Variants in MDGA2 observed in about 807,000 individuals in gnomAD.
MDGA2 encodes MAM domain containing glycosylphosphatidylinositol anchor 2, also known as MAM domain-containing glycosylphosphatidylinositol anchor protein 2.
MDGA2 carries 40 observed loss-of-function variants against 117.8 expected under a neutral mutation model. The ratio of observed to expected loss-of-function variants is 0.34; its 90% confidence interval spans 0.26 to 0.44. The LOEUF (loss-of-function observed/expected upper bound fraction) is 0.44, where lower values mean the gene tolerates loss of function less well. MDGA2 is among the 20% of genes least tolerant of loss of function. MDGA2 has a pLI of 1.00. For synonymous variants in MDGA2, 452 were observed against 439.0 expected (o/e 1.03, Z -0.37); for missense variants, 1,123 against 1,250.6 (o/e 0.90, Z 1.54).
intron 1 of MDGA2, among the ~76,000 whole-genome samples, chr14:47,664,729 C>T (rs1897910742): frequency 6.6e-6 from 1 of 152,194 alleles, no homozygotes; most frequent in South Asian, 2.1e-4. Context: ...GCTGTACATT[C>T]GTAAAGAACG....
chr14:46,975,638 A>C (rs1200283949), intron 8 of MDGA2, among the ~76,000 whole-genome samples: 1 of 152,050 alleles, frequency 6.6e-6, no homozygotes, highest in Non-Finnish European at 1.5e-5. Context: ...GTACTTAGAG[A>C]AGTTAAACTT....
At chr14:46,983,347 T>C (rs1383982497) in intron 8 of MDGA2, among the ~76,000 whole-genome samples, 2 of 152,128 alleles carry the variant, frequency 1.3e-5, no homozygotes, top group Non-Finnish European at 2.9e-5. Context: ...TGTGGTCATA[T>C]TATTTTTAAT....
chr14:47,227,131 G>A (rs1449249982), intron 2 of MDGA2, among the ~76,000 whole-genome samples: 3 of 152,072 alleles, frequency 2.0e-5, no homozygotes, highest in South Asian at 2.1e-4. Context: ...TAGGTGTTCT[G>A]TCTGATTCCC....
intron 1 of MDGA2, among the ~76,000 whole-genome samples, chr14:47,315,605 C>G (rs1234176719): frequency 6.6e-6 from 1 of 152,082 alleles, no homozygotes; most frequent in Non-Finnish European, 1.5e-5. Flanking sequence ...TTGCACTCTT[C>G]CAATCTCATT....
chr14:47,035,814 T>C (rs1216643367), intron 7 of MDGA2, among the ~76,000 whole-genome samples: 1 of 152,198 alleles, frequency 6.6e-6, no homozygotes, highest in Non-Finnish European at 1.5e-5. Flanking sequence ...ATCCATTCTA[T>C]TCTCCATTTT....
At chr14:46,924,755 ATTTC>A in intron 9 of MDGA2, among the ~76,000 whole-genome samples, 1 of 152,066 alleles carries the variant, frequency 6.6e-6, no homozygotes, top group Non-Finnish European at 1.5e-5. Context: ...ACAAGAACAA[ATTTC>A]TTTCTTTCAT....
At chr14:47,092,938 T>C (rs1347012899) in intron 6 of MDGA2, among the ~76,000 whole-genome samples, 3 of 152,066 alleles carry the variant, frequency 2.0e-5, no homozygotes, top group Non-Finnish European at 2.9e-5. Flanking sequence ...TTGATCTACA[T>C]AGATGTATAT....
At chr14:47,507,429 G>A (rs1054967689) in intron 1 of MDGA2, among the ~76,000 whole-genome samples, 1 of 152,138 alleles carries the variant, frequency 6.6e-6, no homozygotes, top group Admixed American at 6.6e-5. Context: ...AATAAATTGG[G>A]AAAATAAGCT....
rs1898159334 is a variant in MDGA2 at position 47,675,162 on chromosome 14, T to G, written c.-366A>C. Among the ~76,000 whole-genome samples the G allele has an allele frequency of 6.6e-6, 1 of 151,948 alleles. No homozygotes were observed. On this transcript the variant is annotated 5_prime_UTR_variant, in exon 1 of 17. Transcript: ENST00000399232. The stretch of plus-strand genomic sequence containing the variant: ...GCCTTTACAAAGTAACTCGCGAAGG[T>G]CCCCGGAGGGGCGTCAAGCGGCGAC...
intron 8 of MDGA2, among the ~76,000 whole-genome samples, chr14:47,034,581 G>T (rs181768940): frequency 2.0e-3 from 303 of 152,190 alleles, no homozygotes; most frequent in African/African-American, 6.9e-3. Flanking sequence ...TTTGGGAAAA[G>T]GACATGCAAT....
intron 8 of MDGA2, among the ~76,000 whole-genome samples, chr14:46,987,574 C>A (rs1348850869): frequency 1.3e-5 from 2 of 151,984 alleles, no homozygotes; most frequent in African/African-American, 4.8e-5. Flanking sequence ...AAGGAATTTA[C>A]CTTGGTGATA....
At chr14:47,422,594 G>T (rs1430400949) in intron 1 of MDGA2, among the ~76,000 whole-genome samples, 1 of 152,152 alleles carries the variant, frequency 6.6e-6, no homozygotes, top group Admixed American at 6.5e-5. Flanking sequence ...TATTAGGTCT[G>T]AAGTTTTTTA....
At chr14:46,969,507 T>A (rs1181263244) in intron 8 of MDGA2, among the ~76,000 whole-genome samples, 3 of 152,226 alleles carry the variant, frequency 2.0e-5, no homozygotes, top group Non-Finnish European at 4.4e-5. Flanking sequence ...CCAGTGATGA[T>A]GAGCATTGTT....
At chr14:47,434,367 A>C (rs1240934413) in intron 1 of MDGA2, among the ~76,000 whole-genome samples, 1 of 152,260 alleles carries the variant, frequency 6.6e-6, no homozygotes, top group Non-Finnish European at 1.5e-5. Context: ...TTTGAAAAAC[A>C]GACAACAAAT....
chr14:47,135,515 A>G (rs929174226), intron 4 of MDGA2, among the ~76,000 whole-genome samples: 3 of 152,160 alleles, frequency 2.0e-5, no homozygotes, highest in Admixed American at 2.0e-4. Context: ...ATTTTGGTCT[A>G]TCCCACTCAA....
chr14:47,086,102 T>C (rs902265674), intron 6 of MDGA2, among the ~76,000 whole-genome samples: 2 of 129,468 alleles, frequency 1.5e-5, no homozygotes, highest in African/African-American at 5.2e-5. Flanking sequence ...AGGTTTTTTT[T>C]TTTTGTTTTT....
intron 1 of MDGA2, among the ~76,000 whole-genome samples, chr14:47,315,952 C>CA (rs919712283): frequency 6.7e-6 from 1 of 149,760 alleles, no homozygotes; most frequent in Non-Finnish European, 1.5e-5. Flanking sequence ...AAAAAACAAA[C>CA]AAAAAAAACT....
chr14:47,177,973 T>C (rs1471442107), intron 3 of MDGA2, among the ~76,000 whole-genome samples: 1 of 152,068 alleles, frequency 6.6e-6, no homozygotes, highest in Non-Finnish European at 1.5e-5. Context: ...ATATATATAG[T>C]AATATTTCAT....
At position 47,646,697 on chromosome 14, in the gene MDGA2, G is replaced by A. The variant is rs576343650; in HGVS notation, c.280+27820C>T. Reference sequence around the variant, plus strand: ...TTCTATGAATAAAAGTTTTTCTTATGCATCATTTAATGCCCTACAACCCTT... The same window carrying A: ...TTCTATGAATAAAAGTTTTTCTTATACATCATTTAATGCCCTACAACCCTT... On this transcript the variant is annotated intron_variant, in intron 1 of 16. Coordinates refer to ENST00000399232, the MANE Select transcript of MDGA2 (RefSeq NM_001113498.3). 1.2e-4 allele frequency among the ~76,000 whole-genome samples: 19 copies of A among 152,264 alleles called. 3 individuals are homozygous for A. In the South Asian group the frequency reaches 3.5e-3, roughly 28 times the overall value.
Sources: gnomAD v4.1 joint callset for allele counts (sites outside exome capture counted in the v4.1 genomes callset) on GRCh38, gnomAD v4.1.1 for gene constraint, MANE v1.5 for transcripts, NCBI Gene and HGNC (gene_info 2026-07-23, HGNC 2026-07-21) for gene names.